The following DIS3 variants were observed in gnomAD, a reference collection of about 807,000 sequenced individuals.
DIS3 encodes the protein exosome complex exonuclease RRP44.
DIS3 carries 103 observed loss-of-function variants against 113.0 expected under a neutral mutation model. The observed-to-expected ratio is 0.91, with a 90% confidence interval of 0.78 to 1.07. The LOEUF (loss-of-function observed/expected upper bound fraction) is 1.07, where lower values mean the gene tolerates loss of function less well. Ranked by LOEUF, DIS3 falls within the 50% of genes least tolerant of loss-of-function variation. The pLI is 0.00. For missense variants in DIS3, 1,121 were observed against 1,167.1 expected (o/e 0.96, Z 0.58); for synonymous variants, 402 against 394.3 (o/e 1.02, Z -0.23).
intron 14 of DIS3, 49 bp from the exon 15 acceptor site, chr13:72,766,107 G>A (rs2033743902): frequency 1.4e-6 from 2 of 1,451,724 alleles, no homozygotes; most frequent in Admixed American, 2.0e-5. Context: ...GCCAATAAAA[G>A]ACAAAAGTAT....
In DIS3 at chr13:72,763,592, C is replaced by T. The variant is rs1384470510; in HGVS notation, c.1986G>A (p.Met662Ile). 6.2e-7 allele frequency: 1 copy of T among 1,610,542 alleles called. No homozygotes were observed. Among genetic ancestry groups the T allele is most frequent in the African/African-American group, 1.3e-5 (1 of 74,692 alleles). Reference protein sequence around the residue: ...QTKELRETNSMVEEFMLLANI... With the variant: ...QTKELRETNSIVEEFMLLANI... ...TGGCAAGTAACATAAATTCTTCAACCATGGAATTTGTTTCCCTGCCAATGG... is the reference window on the plus strand; with the variant it reads ...TGGCAAGTAACATAAATTCTTCAACTATGGAATTTGTTTCCCTGCCAATGG... Residue 662 changes from methionine to isoleucine, a missense_variant, in exon 16 of 21, where the codon ATG (methionine) becomes ATA (isoleucine). Around this residue, in one of 3 missense-constraint regions of DIS3, gnomAD observed 861 missense variants for 915.5 expected, o/e 0.94. Transcript: ENST00000377767.
chr13:72,760,226 G>T (rs919910415), intron 20 of DIS3, among the ~76,000 whole-genome samples: 1 of 152,092 alleles, frequency 6.6e-6, no homozygotes, highest in African/African-American at 2.4e-5. Flanking sequence ...CAGTATCTTA[G>T]GTGAAACACC....
At position 72,756,195 on chromosome 13, in the gene DIS3, A is replaced by C. The variant is rs1488708071; in HGVS notation, c.*3600T>G. On this transcript the variant is annotated 3_prime_UTR_variant, in exon 21 of 21. Transcript: ENST00000377767. ...AAAGGGAATAAAGACCTGTGTTATC[A>C]ATGTGTCATTTTCTTCTTTCCTCCA... 1 of 49,318 alleles carries C rather than the reference A, an allele frequency of 2.0e-5. No individual in the cohort carries two copies. Among genetic ancestry groups the C allele is most frequent in the African/African-American group, 1.9e-4 (1 of 5,168 alleles). 3.1% of individuals were successfully genotyped at this position (49,318 alleles called of 1,614,324 possible).
Position 72,776,505 on chromosome 13 carries a change from A to C in DIS3, c.655-413T>G, listed in dbSNP as rs558058814. On this transcript the variant is annotated intron_variant, in intron 4 of 20. Coordinates refer to ENST00000377767, the MANE Select transcript of DIS3 (RefSeq NM_014953.5). ...CTTTTGGTTTCATAAAGTATCATAA[A>C]GGTAAGAAGGGATGACAGAAGTGTA... Among the ~76,000 whole-genome samples, 12 of 152,342 alleles carry C rather than the reference A, an allele frequency of 7.9e-5. No homozygotes were observed. The East Asian group carries it at 2.1e-3, about 27-fold the overall frequency.
intron 13 of DIS3, among the ~76,000 whole-genome samples, chr13:72,769,527 G>A (rs1425284968): frequency 4.0e-5 from 6 of 148,432 alleles, no homozygotes; most frequent in African/African-American, 1.5e-4. Context: ...CTAAGGAGTA[G>A]CTTCACAAGT....
At chr13:72,771,683 A>G (rs2033889077) in intron 11 of DIS3, 112 bp downstream of exon 11, 5 of 1,003,932 alleles carry the variant, frequency 5.0e-6, no homozygotes, top group Non-Finnish European at 7.2e-6. Context: ...TTTGCAATAT[A>G]TTTAGTGATT....
chr13:72,767,953 G>T (rs750900656), intron 14 of DIS3, among the ~76,000 whole-genome samples: 12 of 152,200 alleles, frequency 7.9e-5, no homozygotes, highest in Non-Finnish European at 1.3e-4. Flanking sequence ...CCTTCAACAT[G>T]CCTGAGTTAA....
intron 13 of DIS3, among the ~76,000 whole-genome samples, chr13:72,769,368 T>A (rs1430189684): frequency 1.3e-5 from 2 of 152,092 alleles, no homozygotes; most frequent in East Asian, 3.9e-4. Flanking sequence ...TACCCAAAAT[T>A]AAGCATGTAA....
At chr13:72,779,341 C>T (rs912262325) in intron 2 of DIS3, among the ~76,000 whole-genome samples, 3 of 152,112 alleles carry the variant, frequency 2.0e-5, no homozygotes, top group African/African-American at 7.2e-5. Flanking sequence ...TGGTCTGGAA[C>T]TCCTGGCCTC....
In DIS3 at chr13:72,770,945, T is replaced by C. The variant is rs763644831; in HGVS notation, c.1714A>G (p.Ile572Val). 6.2e-7 allele frequency: 1 copy of C among 1,607,158 alleles called. No homozygotes were observed. Among genetic ancestry groups the C allele is most frequent in the South Asian group, 1.1e-5 (1 of 89,656 alleles). The change falls in exon 13 of 21, where the codon ATC (isoleucine) becomes GTC (valine). Residue 572 changes from isoleucine (I) to valine (V), a missense_variant. Physicochemically the swap from Ile to Val is conservative, Grantham distance 29. This residue lies in a region of DIS3 where 861 missense variants were observed against 915.5 expected (regional missense o/e 0.94). Transcript: ENST00000377767. Reference sequence around the variant, plus strand: ...CTTTTGGTAAACTTCGTTTTTAAGATTTCAGCATTGTGATTCATTTCCCAA... The same window carrying C: ...CTTTTGGTAAACTTCGTTTTTAAGACTTCAGCATTGTGATTCATTTCCCAA... ...CIWEMNHNAE[I>V]LKTKFTKSVI...
At position 72,756,177 on chromosome 13, in the gene DIS3, A is replaced by ATAATTCATATGTACCCTTAGGAAG. The variant is rs1279216282; in HGVS notation, c.*3617_*3618insCTTCCTAAGGGTACATATGAATTA. ...TAAAAACTGTCTCATTCAAAAGGGAATAAAGACCTGTGTTATCAATGTGTC... is the reference window on the plus strand; with the variant it reads ...TAAAAACTGTCTCATTCAAAAGGGAATAATTCATATGTACCCTTAGGAAGTAAAGACCTGTGTTATCAATGTGTC... On this transcript the variant is annotated 3_prime_UTR_variant, in exon 21 of 21. Transcript: ENST00000377767. 11 of 365,636 alleles carry ATAATTCATATGTACCCTTAGGAAG rather than the reference A, an allele frequency of 3.0e-5. No homozygotes were observed. The highest frequency in any genetic ancestry group is 2.3e-4 in the African/African-American group (11 of 47,874). The allele number at this position is 365,636 out of a possible 1,614,324, so 22.6% of individuals were successfully genotyped here. A position where few individuals can be genotyped will look rare whatever the true frequency, so the allele number is the denominator to read the frequency against.
At chr13:72,760,438 T>C (rs904781962) in intron 20 of DIS3, 91 bp downstream of exon 20, 7 of 1,530,398 alleles carry the variant, frequency 4.6e-6, no homozygotes, top group Non-Finnish European at 6.3e-6. Context: ...GGGTTCCCTC[T>C]AACATTAAAC....
chr13:72,776,508 T>G (rs1473253367), intron 4 of DIS3, among the ~76,000 whole-genome samples: 1 of 152,166 alleles, frequency 6.6e-6, no homozygotes, highest in East Asian at 1.9e-4. Flanking sequence ...ATCATAAAGG[T>G]AAGAAGGGAT....
rs2033638999 is a variant in DIS3 at position 72,762,034 on chromosome 13, G to T, written c.2231C>A (p.Ala744Asp). 2.5e-6 allele frequency: 4 copies of T among 1,614,100 alleles called. No homozygotes were observed. In the East Asian group the frequency reaches 8.9e-5, roughly 36 times the overall value. The change falls in exon 17 of 21, where the codon GCC (alanine) becomes GAC (aspartate). Residue 744 changes from alanine (A) to aspartate (D), a missense_variant. Around this residue, in one of 3 missense-constraint regions of DIS3, gnomAD observed 861 missense variants for 915.5 expected, o/e 0.94. Transcript: ENST00000377767. ...PYLNTLLRIL[A>D]TRCMMQAVYF... is the part of the protein sequence containing the mutation. ...CACAGCTTGCATCATACAGCGAGTGGCTAATATTCTCAACAGAGTGTTTAG... is the reference window on the plus strand; with the variant it reads ...CACAGCTTGCATCATACAGCGAGTGTCTAATATTCTCAACAGAGTGTTTAG...
chr13:72,762,020 T>A lies in DIS3; in HGVS notation c.2245A>T (p.Met749Leu), dbSNP rs1201693688. The stretch of plus-strand genomic sequence containing the variant: ...CCAGAACAGAAGTACACAGCTTGCA[T>A]CATACAGCGAGTGGCTAATATTCTC... ...LLRILATRCM[M>L]QAVYFCSGMD... Residue 749 changes from methionine (M) to leucine (L), a missense_variant, in exon 17 of 21, where the codon ATG becomes TTG. By Grantham distance (15) the Met-to-Leu change is conservative. Around this residue, in one of 3 missense-constraint regions of DIS3, gnomAD observed 861 missense variants for 915.5 expected, o/e 0.94. Coordinates refer to ENST00000377767, the MANE Select transcript of DIS3 (RefSeq NM_014953.5). The A allele has an allele frequency of 1.2e-6, 2 of 1,614,026 alleles. No individual in the cohort carries two copies. Among genetic ancestry groups the A allele is most frequent in the African/African-American group, 2.7e-5 (2 of 74,918 alleles).
At chr13:72,776,154 T>A in intron 4 of DIS3, 62 bp from the exon 5 acceptor site, 3 of 1,448,964 alleles carry the variant, frequency 2.1e-6, no homozygotes, top group Non-Finnish European at 2.8e-6. Context: ...AATACACAAC[T>A]ATTATTAATA....
At position 72,775,285 on chromosome 13, in the gene DIS3, G is replaced by A. The variant is rs990524788; in HGVS notation, c.913C>T (p.Pro305Ser). 2 of 1,613,430 alleles carry A rather than the reference G, an allele frequency of 1.2e-6. No individual in the cohort carries two copies. The highest frequency in any genetic ancestry group is 1.3e-5 in the African/African-American group (1 of 74,868). ...ELLPKSQWVA[P>S]SSVVLHDEGQ... is the part of the protein sequence containing the mutation. ...TCATCATGTAAAACCACAGAAGATG[G>A]TGCTACCCACTGACTCTTGGGGAGA... Residue 305 changes from proline (P) to serine (S), a missense_variant, in exon 6 of 21, where the codon CCA (proline) becomes TCA (serine). Pro to Ser is a moderately conservative substitution (Grantham distance 74, BLOSUM62 -1). Around this residue, in one of 3 missense-constraint regions of DIS3, gnomAD observed 861 missense variants for 915.5 expected, o/e 0.94. Transcript: ENST00000377767.
intron 2 of DIS3, among the ~76,000 whole-genome samples, chr13:72,779,699 T>C (rs190150715): frequency 2.1e-5 from 3 of 144,700 alleles, no homozygotes; most frequent in Admixed American, 2.1e-4. Context: ...CCAATGGTTC[T>C]CAATTGAGTG....
chr13:72,753,888 T>C lies in DIS3; in HGVS notation c.*5907A>G. Reference sequence around the variant, plus strand: ...AGAAATATAAAATAATTTTGATTATTAGACAATAGTACTATTGAGAAACTA... The same window carrying C: ...AGAAATATAAAATAATTTTGATTATCAGACAATAGTACTATTGAGAAACTA... On this transcript the variant is annotated 3_prime_UTR_variant, in exon 21 of 21. Coordinates refer to ENST00000377767, the MANE Select transcript of DIS3 (RefSeq NM_014953.5). The C allele has an allele frequency of 7.1e-7, 1 of 1,409,584 alleles. No individual in the cohort carries two copies. Among genetic ancestry groups the C allele is most frequent in the East Asian group, 2.5e-5 (1 of 39,772 alleles). The allele number at this position is 1,409,584 out of a possible 1,614,324, so 87.3% of individuals were successfully genotyped here. A position where few individuals can be genotyped will look rare whatever the true frequency, so the allele number is the denominator to read the frequency against.
Sources: allele counts gnomAD v4.1 joint callset (sites outside exome capture counted in the v4.1 genomes callset), GRCh38; gene constraint gnomAD v4.1.1; regional missense constraint gnomAD v4.1.1; transcripts MANE v1.5; gene names NCBI Gene and HGNC (gene_info 2026-07-23, HGNC 2026-07-21).